OR52D1: variants seen among roughly 807,000 people sequenced by gnomAD.
The protein encoded by OR52D1 is olfactory receptor 52D1.
For missense variants in OR52D1, 423 were observed against 390.0 expected (o/e 1.08, Z -0.71); for synonymous variants, 175 against 149.0 (o/e 1.17, Z -1.27).
Position 5,489,718 on chromosome 11 carries a change from C to A in OR52D1, c.*55C>A. 8.6e-7 allele frequency: 1 copy of A among 1,159,906 alleles called. No individual in the cohort carries two copies. Among genetic ancestry groups the A allele is most frequent in the Admixed American group, 1.9e-5 (1 of 53,472 alleles). 71.9% of individuals were successfully genotyped at this position (1,159,906 alleles called of 1,614,324 possible). ...AAAGTGTAGGATGGCTGTCTAGATA[C>A]ATTTACATGGACACACAGTGATGAT... On this transcript the variant is annotated 3_prime_UTR_variant, in exon 1 of 1. Coordinates refer to ENST00000322641, the MANE Select transcript of OR52D1 (RefSeq NM_001005163.2).
chr11:5,489,076 G>A lies in OR52D1; in HGVS notation c.370G>A (p.Asp124Asn), dbSNP rs769495234. The change falls in exon 1 of 1, where the codon GAT (aspartate) becomes AAT (asparagine). Residue 124 changes from aspartate (D) to asparagine (N), a missense_variant. Asp to Asn is a conservative substitution (Grantham distance 23). Transcript: ENST00000322641. ...ESSILLAMAF[D>N]RYVAICNPLR... ...CTCAATTCTACTTGCCATGGCCTTT[G>A]ATAGGTATGTGGCTATCTGTAACCC... The A allele has an allele frequency of 6.8e-6, 11 of 1,614,046 alleles. No homozygotes were observed. The South Asian group carries it at 1.1e-4, about 16-fold the overall frequency.
rs1364214749 is a variant in OR52D1 at position 5,489,342 on chromosome 11, G to A, written c.636G>A (p.Leu212=). ...CTGTGGCTCTGCTGGCCATGGGACT[G>A]GATTCCATTCTCATTGCCATTTCCT... ...GLTVALLAMG[L]DSILIAISYG... Residue 212 remains leucine (L), a synonymous_variant, in exon 1 of 1, where the codon CTG becomes CTA. Transcript: ENST00000322641. 4 of 1,613,910 alleles carry A rather than the reference G, an allele frequency of 2.5e-6. No individual in the cohort carries two copies. Among genetic ancestry groups the A allele is most frequent in the African/African-American group, 1.3e-5 (1 of 74,916 alleles).
chr11:5,488,787 C>T lies in OR52D1; in HGVS notation c.81C>T (p.His27=). ...GGATCCCAGGGCTGGAGGCTGCCCA[C>T]TTCTGGATTGCCATCCCTTTCTGTG... ...LTGIPGLEAA[H]FWIAIPFCAM... The change falls in exon 1 of 1, where the codon CAC becomes CAT. Residue 27 remains histidine, a synonymous_variant. Transcript: ENST00000322641. 1 of 1,614,040 alleles carries T rather than the reference C, an allele frequency of 6.2e-7. No homozygotes were observed. The highest frequency in any genetic ancestry group is 8.5e-7 in the Non-Finnish European group (1 of 1,179,924).
At position 5,489,253 on chromosome 11, in the gene OR52D1, G is replaced by A. The variant is rs1401691795; in HGVS notation, c.547G>A (p.Glu183Lys). 6.8e-6 allele frequency: 11 copies of A among 1,613,878 alleles called. No homozygotes were observed. The highest frequency in any genetic ancestry group is 1.3e-5 in the African/African-American group (1 of 74,898). Residue 183 changes from glutamate (E) to lysine (K), a missense_variant, in exon 1 of 1, where the codon GAG becomes AAG. By Grantham distance (56) the Glu-to-Lys change is moderately conservative (BLOSUM62 1). Coordinates refer to ENST00000322641, the MANE Select transcript of OR52D1 (RefSeq NM_001005163.2). Reference protein sequence around the residue: ...GHRVMTHTYCEHMGIARLACA... With the variant: ...GHRVMTHTYCKHMGIARLACA... ...CCGTGTCATGACACACACATACTGT[G>A]AGCATATGGGCATTGCCCGACTGGC...
Position 5,488,735 on chromosome 11 carries a change from A to G in OR52D1, c.29A>G (p.His10Arg). MSDSNLSDN[H>R]LPDTFFLTGI... ...TCAGATTCCAACCTCAGTGATAACC[A>G]TCTTCCAGACACCTTCTTCTTAACA... Residue 10 changes from histidine to arginine, a missense_variant, in exon 1 of 1, where the codon CAT becomes CGT. His to Arg is a conservative substitution (Grantham distance 29). Coordinates refer to ENST00000322641, the MANE Select transcript of OR52D1 (RefSeq NM_001005163.2). The G allele has an allele frequency of 6.2e-7, 1 of 1,613,806 alleles. No homozygotes were observed. Among genetic ancestry groups the G allele is most frequent in the Non-Finnish European group, 8.5e-7 (1 of 1,179,818 alleles).
Position 5,489,125 on chromosome 11 carries a change from A to T in OR52D1, c.419A>T (p.Asn140Ile). 6.2e-7 allele frequency: 1 copy of T among 1,613,910 alleles called. No individual in the cohort carries two copies. The highest frequency in any genetic ancestry group is 8.5e-7 in the Non-Finnish European group (1 of 1,179,914). ...CCATTAAGGTACACAACCATTCTCAACCATGCTGTCATAGGCAGAATTGGC... is the reference window on the plus strand; with the variant it reads ...CCATTAAGGTACACAACCATTCTCATCCATGCTGTCATAGGCAGAATTGGC... ...CNPLRYTTIL[N>I]HAVIGRIGFV... The change falls in exon 1 of 1, where the codon AAC (asparagine) becomes ATC (isoleucine). Residue 140 changes from asparagine to isoleucine, a missense_variant. Coordinates refer to ENST00000322641, the MANE Select transcript of OR52D1 (RefSeq NM_001005163.2).
chr11:5,489,000 T>C lies in OR52D1; in HGVS notation c.294T>C (p.Gly98=). The change falls in exon 1 of 1, where the codon GGT becomes GGC. Residue 98 remains glycine, a synonymous_variant. Coordinates refer to ENST00000322641, the MANE Select transcript of OR52D1 (RefSeq NM_001005163.2). ...LWLHAGEISF[G]GCLAQMFCVH... ...TCCATGCTGGTGAGATTTCCTTTGGTGGATGCCTGGCCCAGATGTTTTGTG... is the reference window on the plus strand; with the variant it reads ...TCCATGCTGGTGAGATTTCCTTTGGCGGATGCCTGGCCCAGATGTTTTGTG... 6.2e-7 allele frequency: 1 copy of C among 1,614,102 alleles called. No homozygotes were observed. Among genetic ancestry groups the C allele is most frequent in the Non-Finnish European group, 8.5e-7 (1 of 1,179,996 alleles).
At position 5,489,613 on chromosome 11, in the gene OR52D1, A is replaced by G; in HGVS notation, c.907A>G (p.Ile303Val). ...TCTCTATGGAGCTAGAACCAAGGAG[A>G]TTCGGAGTCGACTTCTAAAACTGCT... is the stretch of plus-strand genomic sequence containing the variant. The part of the protein sequence containing the change: ...PILYGARTKE[I>V]RSRLLKLLHL... Residue 303 changes from isoleucine (I) to valine (V), a missense_variant, in exon 1 of 1, where the codon ATT (isoleucine) becomes GTT (valine). Transcript: ENST00000322641. The G allele has an allele frequency of 1.2e-6, 2 of 1,613,856 alleles. No homozygotes were observed. Among genetic ancestry groups the G allele is most frequent in the Middle Eastern group, 1.7e-4 (1 of 6,058 alleles).
In OR52D1 at chr11:5,489,178, A is replaced by C. The variant is rs765581919; in HGVS notation, c.472A>C (p.Ile158Leu). 1.2e-6 allele frequency: 2 copies of C among 1,612,776 alleles called. No individual in the cohort carries two copies. The highest frequency in any genetic ancestry group is 1.7e-5 in the Admixed American group (1 of 59,838). The change falls in exon 1 of 1, where the codon ATT becomes CTT. Residue 158 changes from isoleucine (I) to leucine (L), a missense_variant. Transcript: ENST00000322641. ...GFVGLFRSVA[I>L]VSPFIFLLRR... ...TGTTGGGCTATTCCGTAGTGTGGCT[A>C]TTGTCTCCCCCTTCATCTTCTTGCT...
At position 5,489,684 on chromosome 11, in the gene OR52D1, A is replaced by AT. The variant is rs1464343713; in HGVS notation, c.*24dup. The AT allele has an allele frequency of 6.5e-7, 1 of 1,548,210 alleles. No individual in the cohort carries two copies. Among genetic ancestry groups the AT allele is most frequent in the Middle Eastern group, 1.7e-4 (1 of 5,866 alleles). On this transcript the variant is annotated 3_prime_UTR_variant, in exon 1 of 1. Transcript: ENST00000322641. ...TATGAATGCTGAGCAGAAGTTGGAG[A>AT]TTTAAAAAAAAGTGTAGGATGGCTG...
rs1454782978 is a variant in OR52D1 at position 5,488,861 on chromosome 11, T to A, written c.155T>A (p.Ile52Asn). The A allele has an allele frequency of 6.2e-7, 1 of 1,613,940 alleles. No homozygotes were observed. The highest frequency in any genetic ancestry group is 2.2e-5 in the East Asian group (1 of 44,886). ...LVGNAALILVIAMDNALHAPM... is the reference protein window; with the variant it reads ...LVGNAALILVNAMDNALHAPM... Reference sequence around the variant, plus strand: ...GGAAATGCTGCCCTCATCCTGGTCATTGCCATGGACAATGCTCTTCATGCA... The same window carrying A: ...GGAAATGCTGCCCTCATCCTGGTCAATGCCATGGACAATGCTCTTCATGCA... Residue 52 changes from isoleucine to asparagine, a missense_variant, in exon 1 of 1, where the codon ATT (isoleucine) becomes AAT (asparagine). Physicochemically the swap from Ile to Asn is moderately radical, Grantham distance 149. Coordinates refer to ENST00000322641, the MANE Select transcript of OR52D1 (RefSeq NM_001005163.2).
In OR52D1 at chr11:5,489,303, T is replaced by C; in HGVS notation, c.597T>C (p.Ile199=). The C allele has an allele frequency of 6.2e-7, 1 of 1,611,160 alleles. No homozygotes were observed. Among genetic ancestry groups the C allele is most frequent in the Non-Finnish European group, 8.5e-7 (1 of 1,178,326 alleles). The change falls in exon 1 of 1, where the codon ATT becomes ATC. Residue 199 remains isoleucine (I), a synonymous_variant. Transcript: ENST00000322641. The part of the protein sequence containing the change: ...RLACANITVN[I]VYGLTVALLA... The stretch of plus-strand genomic sequence containing the variant: ...CCTGTGCCAACATCACTGTCAATAT[T>C]GTCTATGGGCTAACTGTGGCTCTGC...
At position 5,489,072 on chromosome 11, in the gene OR52D1, C is replaced by A. The variant is rs1470966666; in HGVS notation, c.366C>A (p.Ala122=). ...ALESSILLAM[A]FDRYVAICNP... ...AGTCCTCAATTCTACTTGCCATGGC[C>A]TTTGATAGGTATGTGGCTATCTGTA... The change falls in exon 1 of 1, where the codon GCC becomes GCA. Residue 122 remains alanine (A), a synonymous_variant. Transcript: ENST00000322641. 6.2e-7 allele frequency: 1 copy of A among 1,613,914 alleles called. No individual in the cohort carries two copies. Among genetic ancestry groups the A allele is most frequent in the Non-Finnish European group, 8.5e-7 (1 of 1,179,974 alleles).
rs1297114279 is a variant in OR52D1, at chr11:5,489,328, C to T, written c.622C>T (p.Leu208=). 3 of 1,613,930 alleles carry T rather than the reference C, an allele frequency of 1.9e-6. No homozygotes were observed. The East Asian group carries it at 6.7e-5, about 36-fold the overall frequency. ...NIVYGLTVAL[L]AMGLDSILIA... ...TGTCTATGGGCTAACTGTGGCTCTG[C>T]TGGCCATGGGACTGGATTCCATTCT... The change falls in exon 1 of 1, where the codon CTG becomes TTG. Residue 208 remains leucine (L), a synonymous_variant. Transcript: ENST00000322641.
chr11:5,489,678 TTGG>T lies in OR52D1; in HGVS notation c.*16_*18del. 3 of 1,570,190 alleles carry T rather than the reference TTGG, an allele frequency of 1.9e-6. No individual in the cohort carries two copies. Among genetic ancestry groups the T allele is most frequent in the Admixed American group, 1.7e-5 (1 of 57,892 alleles). Reference sequence around the variant, plus strand: ...CTTCAATATGAATGCTGAGCAGAAGTTGGAGATTTAAAAAAAAGTGTAGGATGG... The same window carrying T: ...CTTCAATATGAATGCTGAGCAGAAGTAGATTTAAAAAAAAGTGTAGGATGG... On this transcript the variant is annotated 3_prime_UTR_variant, in exon 1 of 1. Coordinates refer to ENST00000322641, the MANE Select transcript of OR52D1 (RefSeq NM_001005163.2).
rs1851552001 is a variant in OR52D1 at position 5,489,579 on chromosome 11, C to T, written c.873C>T (p.Leu291=). The T allele has an allele frequency of 6.2e-6, 10 of 1,613,882 alleles. No homozygotes were observed. In the East Asian group the frequency reaches 2.2e-4, roughly 36 times the overall value. The change falls in exon 1 of 1, where the codon CTC becomes CTT. Residue 291 remains leucine (L), a synonymous_variant. Transcript: ENST00000322641. The part of the protein sequence containing the change: ...ANLYVLVPPV[L]NPILYGARTK... Reference sequence around the variant, plus strand: ...TCTATGTGCTGGTGCCTCCTGTACTCAATCCTATTCTCTATGGAGCTAGAA... The same window carrying T: ...TCTATGTGCTGGTGCCTCCTGTACTTAATCCTATTCTCTATGGAGCTAGAA...
Position 5,489,114 on chromosome 11 carries a change from A to C in OR52D1, c.408A>C (p.Thr136=), listed in dbSNP as rs78395519. 835 of 1,613,904 alleles carry C rather than the reference A, an allele frequency of 5.2e-4. 6 individuals carry two copies. In the African/African-American group the frequency reaches 0.01, roughly 19 times the overall value. Residue 136 remains threonine, a synonymous_variant, in exon 1 of 1, where the codon ACA becomes ACC. Transcript: ENST00000322641. ...CTATCTGTAACCCATTAAGGTACAC[A>C]ACCATTCTCAACCATGCTGTCATAG... ...YVAICNPLRY[T]TILNHAVIGR...
chr11:5,489,454 A>G lies in OR52D1; in HGVS notation c.748A>G (p.Ile250Val). The G allele has an allele frequency of 3.7e-6, 6 of 1,614,040 alleles. No homozygotes were observed. Among genetic ancestry groups the G allele is most frequent in the Non-Finnish European group, 5.1e-6 (6 of 1,179,966 alleles). The change falls in exon 1 of 1, where the codon ATC (isoleucine) becomes GTC (valine). Residue 250 changes from isoleucine (I) to valine (V), a missense_variant. By Grantham distance (29) the Ile-to-Val change is conservative (BLOSUM62 3). Transcript: ENST00000322641. ...GAGTACCTGTGGCTCCCACATTGGC[A>G]TCATCCTGGTTTTCTACATCCCTGC... ...ALSTCGSHIG[I>V]ILVFYIPAFF... is the part of the protein sequence containing the mutation.
rs943212534 is a variant in OR52D1 at position 5,488,926 on chromosome 11, C to G, written c.220C>G (p.Leu74Val). The change falls in exon 1 of 1, where the codon CTG becomes GTG. Residue 74 changes from leucine (L) to valine (V), a missense_variant. Leu to Val is a conservative substitution (Grantham distance 32, BLOSUM62 1). Transcript: ENST00000322641. ...CCTCTGCCTTCTCTCACTCACAGACCTGGCTCTCAGTTCTACCACTGTGCC... is the reference window on the plus strand; with the variant it reads ...CCTCTGCCTTCTCTCACTCACAGACGTGGCTCTCAGTTCTACCACTGTGCC... Reference protein sequence around the residue: ...LFLCLLSLTDLALSSTTVPKM... With the variant: ...LFLCLLSLTDVALSSTTVPKM... 6.2e-7 allele frequency: 1 copy of G among 1,613,944 alleles called. No individual in the cohort carries two copies. Among genetic ancestry groups the G allele is most frequent in the African/African-American group, 1.3e-5 (1 of 74,904 alleles).
Sources: gnomAD v4.1 joint callset for allele counts on GRCh38, gnomAD v4.1.1 for gene constraint, MANE v1.5 for transcripts, NCBI Gene and HGNC (gene_info 2026-07-23, HGNC 2026-07-21) for gene names.